Variants in TSC22D3 observed in about 807,000 individuals in gnomAD.
TSC22D3 encodes TSC22 domain family member 3.
TSC22D3 carries 4 observed loss-of-function variants against 11.1 expected under a neutral mutation model. The observed-to-expected ratio is 0.36, with a 90% CI of 0.18 to 0.83. TSC22D3 has a LOEUF of 0.83. Ranked by LOEUF, TSC22D3 falls within the 40% of genes least tolerant of loss-of-function variation. The pLI is 0.48. For synonymous variants in TSC22D3, 77 were observed against 70.3 expected (o/e 1.10, Z -0.48); for missense variants, 118 against 159.4 (o/e 0.74, Z 1.40).
At chrX:107,716,189 C>G in intron 1 of TSC22D3, 1 of 733,777 alleles carries the variant, frequency 1.4e-6, no homozygotes, top group Non-Finnish European at 1.9e-6. Flanking sequence ...TCCAACCGAT[C>G]GGAGCTGCTT....
At chrX:107,758,148 G>A (rs1658855196) in intron 1 of TSC22D3, among the ~76,000 whole-genome samples, 1 of 110,763 alleles carries the variant, frequency 9.0e-6, no homozygotes, top group South Asian at 3.9e-4. Flanking sequence ...AGACTGTGCA[G>A]TAGTGAGCAC....
At chrX:107,738,318 C>T (rs1340031876) in intron 1 of TSC22D3, among the ~76,000 whole-genome samples, 1 of 112,888 alleles carries the variant, frequency 8.9e-6, no homozygotes, top group Non-Finnish European at 1.9e-5. Flanking sequence ...ATCCCTACCT[C>T]TTGAATGCAT....
chrX:107,728,141 A>T (rs977942153), intron 1 of TSC22D3, among the ~76,000 whole-genome samples: 2 of 110,863 alleles, frequency 1.8e-5, no homozygotes, highest in African/African-American at 6.6e-5. Flanking sequence ...GTACAAATGC[A>T]GTAAATACAT....
rs760875040 is a variant in TSC22D3, at chrX:107,717,969, G to A, written c.321-2019C>T. Among the ~76,000 whole-genome samples the A allele has an allele frequency of 2.7e-5, 3 of 111,678 alleles. No homozygotes were observed. The South Asian group carries it at 1.1e-3, about 42-fold the overall frequency. ...CTTTGTTACTTTTCTTTAAAACAGC[G>A]AATGACAATAACACTCCAAACCAAA... On this transcript the variant is annotated intron_variant, in intron 1 of 2. Transcript: ENST00000372383.
At chrX:107,722,480 C>T (rs1278656199) in intron 1 of TSC22D3, among the ~76,000 whole-genome samples, 1 of 112,299 alleles carries the variant, frequency 8.9e-6, no homozygotes, top group Non-Finnish European at 1.9e-5. Context: ...TGTCAAATCA[C>T]CTTCATCACC....
chrX:107,742,117 C>T (rs981665540), intron 1 of TSC22D3, among the ~76,000 whole-genome samples: 1 of 110,458 alleles, frequency 9.1e-6, no homozygotes, highest in Non-Finnish European at 1.9e-5. Context: ...CCCAACACCT[C>T]GGCAAAGTGA....
At chrX:107,716,079 AGAGTTCCG>A in intron 1 of TSC22D3, 129 bp from the exon 2 acceptor site, 1 of 783,871 alleles carries the variant, frequency 1.3e-6, no homozygotes, top group South Asian at 2.5e-5. Context: ...TCCCTGGCCC[AGAGTTCCG>A]GACAGTTTGT....
intron 1 of TSC22D3, among the ~76,000 whole-genome samples, chrX:107,735,244 A>G (rs1928078010): frequency 8.9e-6 from 1 of 111,934 alleles, no homozygotes; most frequent in South Asian, 3.7e-4. Flanking sequence ...GAGCCACACA[A>G]GAGTACTGGG....
intron 2 of TSC22D3, chrX:107,715,642 A>T (rs1358757294): frequency 4.7e-6 from 2 of 428,211 alleles, no homozygotes; most frequent in Non-Finnish European, 4.2e-6. Context: ...CAGGCCCAGG[A>T]GAGAGTCAGA....
intron 1 of TSC22D3, among the ~76,000 whole-genome samples, chrX:107,760,423 G>C (rs1028559451): frequency 8.9e-6 from 1 of 112,858 alleles, no homozygotes; most frequent in African/African-American, 3.2e-5. Context: ...CATTGGATCA[G>C]AAAATCAGGA....
At chrX:107,759,848 A>G (rs1441208780) in intron 1 of TSC22D3, among the ~76,000 whole-genome samples, 1 of 112,812 alleles carries the variant, frequency 8.9e-6, no homozygotes, top group East Asian at 2.8e-4. Context: ...CTCTAGGCTT[A>G]GAATAAAAAG....
chrX:107,716,464 C>A, intron 1 of TSC22D3: 2 of 998,292 alleles, frequency 2.0e-6, no homozygotes, highest in Non-Finnish European at 2.5e-6. Context: ...GCGGCTGCAG[C>A]AGCTGGTTTT....
At chrX:107,775,833 C>CTTGCTCCCTCCCTCCT (rs1189415120), upstream of TSC22D3, 1 of 117,778 alleles carries the variant, frequency 8.5e-6, no homozygotes, top group Admixed American at 9.0e-5. Context: ...AGGGCGCGCC[C>CTTGCTCCCTCCCTCCT]TTGCTCCCTC....
intron 1 of TSC22D3, among the ~76,000 whole-genome samples, chrX:107,736,977 G>A (rs1056672650): frequency 3.6e-5 from 4 of 111,940 alleles, no homozygotes; most frequent in Non-Finnish European, 7.5e-5. Context: ...GCTGCAAAAC[G>A]AGGTCAGTTA....
intron 1 of TSC22D3, among the ~76,000 whole-genome samples, chrX:107,750,345 C>T (rs148314624): frequency 2.0e-3 from 215 of 109,313 alleles, no homozygotes; most frequent in African/African-American, 6.4e-3. Context: ...GAATAAGCAT[C>T]CCTGGCATGG....
rs1429100565 is a variant in TSC22D3 at position 107,742,271 on chromosome X, GAGAGAGAGAA to G, written c.321-26331_321-26322del. Among the ~76,000 whole-genome samples, 138 of 77,284 alleles carry G rather than the reference GAGAGAGAGAA, an allele frequency of 1.8e-3. 1 individual carries two copies. Among genetic ancestry groups the G allele is most frequent in the South Asian group, 2.7e-3 (4 of 1,488 alleles). 67.1% of individuals were successfully genotyped at this position (77,284 alleles called of 115,157 possible). On this transcript the variant is annotated intron_variant, in intron 1 of 2. Coordinates refer to ENST00000372383, the MANE Select transcript of TSC22D3 (RefSeq NM_198057.3). ...CAGGCACATGTATTTGAGAGAGAGA[GAGAGAGAGAA>G]AGAGAGAGAGAGAGAGAGAGAGAGA... is the stretch of plus-strand genomic sequence containing the variant.
At chrX:107,718,613 A>T (rs777402971) in intron 1 of TSC22D3, among the ~76,000 whole-genome samples, 1 of 113,295 alleles carries the variant, frequency 8.8e-6, no homozygotes, top group East Asian at 2.8e-4. Flanking sequence ...CTTCCAGGGC[A>T]GTTATGCCAC....
rs376407911 is a variant in TSC22D3, at chrX:107,755,455, C to G, written c.320+19645G>C. Among the ~76,000 whole-genome samples, 5 of 112,529 alleles carry G rather than the reference C, an allele frequency of 4.4e-5. No individual in the cohort carries two copies. The East Asian group carries it at 1.4e-3, about 32-fold the overall frequency. On this transcript the variant is annotated intron_variant, in intron 1 of 2. Transcript: ENST00000372383. Reference sequence around the variant, plus strand: ...AGAAGGCAGGAGACCAGACCCAGAACCTTCATCGTCTTTCTGCTTCTCTCC... The same window carrying G: ...AGAAGGCAGGAGACCAGACCCAGAAGCTTCATCGTCTTTCTGCTTCTCTCC...
chrX:107,722,038 A>C (rs1927361341), intron 1 of TSC22D3: 1 of 353,889 alleles, frequency 2.8e-6, no homozygotes, highest in African/African-American at 2.6e-5. Flanking sequence ...AAATCCCCAA[A>C]GTCCAGAAGG....
Sources: gnomAD v4.1 joint callset for allele counts (sites outside exome capture counted in the v4.1 genomes callset) on GRCh38, gnomAD v4.1.1 for gene constraint, MANE v1.5 for transcripts, NCBI Gene and HGNC (gene_info 2026-07-23, HGNC 2026-07-21) for gene names.